Variants in XKR6 observed in about 807,000 individuals in gnomAD.
XKR6 encodes XK related 6.
A neutral mutation model predicts 56.7 loss-of-function variants in XKR6; 22 were observed. The ratio of observed to expected loss-of-function variants is 0.39; its 90% CI spans 0.28 to 0.55. XKR6 has a LOEUF of 0.55. Among genes scored for constraint, XKR6 ranks in the 20% least tolerant of loss-of-function variants. The pLI, the probability that XKR6 is intolerant of heterozygous loss-of-function variation, is 0.66. For missense variants in XKR6, 852 were observed against 889.0 expected, an observed-to-expected ratio of 0.96 and a Z score of 0.53; for synonymous variants, 524 against 387.8, an observed-to-expected ratio of 1.35 and a Z score of -4.13.
chr8:11,146,831 C>G (rs1018276370), intron 1 of XKR6, among the ~76,000 whole-genome samples: 2 of 151,962 alleles, frequency 1.3e-5, no homozygotes, highest in African/African-American at 2.4e-5. Context: ...ACTACATACA[C>G]AGACCTGGAG....
intron 1 of XKR6, among the ~76,000 whole-genome samples, chr8:11,002,911 A>C (rs2129143547): frequency 6.6e-6 from 1 of 152,316 alleles, no homozygotes; most frequent in South Asian, 2.1e-4. Context: ...CTGAATGAAA[A>C]TCATGATGTT....
intron 2 of XKR6, among the ~76,000 whole-genome samples, chr8:10,911,440 G>A (rs900062406): frequency 2.7e-5 from 4 of 146,708 alleles, no homozygotes; most frequent in Admixed American, 1.4e-4. Context: ...TATATAGAGG[G>A]TAAGTATACA....
intron 1 of XKR6, among the ~76,000 whole-genome samples, chr8:11,030,152 C>T (rs1026873674): frequency 2.0e-5 from 3 of 152,202 alleles, no homozygotes; most frequent in African/African-American, 7.2e-5. Context: ...TTGGCTCAGT[C>T]CACCCCCTCT....
At chr8:10,969,242 T>C (rs1802325170) in intron 1 of XKR6, among the ~76,000 whole-genome samples, 1 of 152,142 alleles carries the variant, frequency 6.6e-6, no homozygotes, top group South Asian at 2.1e-4. Context: ...CTTAGATGCA[T>C]GGTTCCTGAA....
At chr8:10,911,519 T>A (rs1586294611) in intron 2 of XKR6, among the ~76,000 whole-genome samples, 2 of 148,012 alleles carry the variant, frequency 1.4e-5, no homozygotes. Context: ...TATATATATA[T>A]GTAGAAAGAG....
At chr8:11,094,436 C>G (rs145490641) in intron 1 of XKR6, among the ~76,000 whole-genome samples, 4 of 152,204 alleles carry the variant, frequency 2.6e-5, no homozygotes, top group African/African-American at 9.6e-5. Context: ...GTGATCGTCC[C>G]CCTTCAACCT....
At chr8:11,020,554 C>T (rs1387094913) in intron 1 of XKR6, among the ~76,000 whole-genome samples, 2 of 152,146 alleles carry the variant, frequency 1.3e-5, no homozygotes, top group African/African-American at 2.4e-5. Flanking sequence ...ACACATGTAT[C>T]GGTGAGTTGG....
intron 1 of XKR6, among the ~76,000 whole-genome samples, chr8:11,187,651 A>C (rs1475801567): frequency 2.0e-5 from 3 of 152,160 alleles, no homozygotes; most frequent in African/African-American, 7.2e-5. Flanking sequence ...AAGAAAAATC[A>C]GTCATATCAA....
In XKR6 at chr8:11,182,400, G is replaced by T. The variant is rs148232536; in HGVS notation, c.764+18176C>A. On this transcript the variant is annotated intron_variant, in intron 1 of 2. Transcript: ENST00000416569. ...CATCACTGTGGCGCATTAACACCAG[G>T]ACTAACTTTGTACCTGGTCATGGTC... Among the ~76,000 whole-genome samples the T allele has an allele frequency of 7.2e-4, 109 of 152,314 alleles. 1 individual carries two copies. The Middle Eastern group carries it at 0.01, about 14-fold the overall frequency.
intron 1 of XKR6, among the ~76,000 whole-genome samples, chr8:10,942,943 C>G (rs1229383183): frequency 6.6e-6 from 1 of 152,204 alleles, no homozygotes; most frequent in East Asian, 1.9e-4. Flanking sequence ...TGACCACATC[C>G]CAGGGCTGCA....
chr8:10,969,380 G>C (rs930539756), intron 1 of XKR6, among the ~76,000 whole-genome samples: 1 of 152,212 alleles, frequency 6.6e-6, no homozygotes, highest in African/African-American at 2.4e-5. Context: ...ATGTCACCCA[G>C]TGGTATCCAA....
chr8:11,064,968 C>T (rs28670878), intron 1 of XKR6, among the ~76,000 whole-genome samples: 5,288 of 152,282 alleles, frequency 0.035, 294 homozygotes, highest in African/African-American at 0.11. Context: ...CTCTTTGTTA[C>T]TCTTGTAGAA....
intron 1 of XKR6, among the ~76,000 whole-genome samples, chr8:10,961,116 G>A (rs974395894): frequency 6.6e-6 from 1 of 152,198 alleles, no homozygotes; most frequent in African/African-American, 2.4e-5. Flanking sequence ...GAGGCAGAGA[G>A]AGGGTGGAGG....
chr8:10,914,428 G>A (rs1415482125), intron 2 of XKR6, among the ~76,000 whole-genome samples: 1 of 152,172 alleles, frequency 6.6e-6, no homozygotes, highest in Non-Finnish European at 1.5e-5. Context: ...ATCTTTTGGA[G>A]ATCATTTAGC....
At chr8:10,996,567 CA>C (rs781701039) in intron 1 of XKR6, among the ~76,000 whole-genome samples, 46 of 152,284 alleles carry the variant, frequency 3.0e-4, no homozygotes, top group Middle Eastern at 3.4e-3. Context: ...CATACACCCC[CA>C]GCTCCAATCT....
intron 2 of XKR6, among the ~76,000 whole-genome samples, chr8:10,915,476 G>A (rs927663799): frequency 6.6e-6 from 1 of 151,334 alleles, no homozygotes; most frequent in Non-Finnish European, 1.5e-5. Flanking sequence ...TCACTGTCAT[G>A]AAACCCATTG....
At chr8:11,121,476 C>T (rs1421422094) in intron 1 of XKR6, among the ~76,000 whole-genome samples, 1 of 152,116 alleles carries the variant, frequency 6.6e-6, no homozygotes, top group Admixed American at 6.5e-5. Flanking sequence ...AAATTAAAAC[C>T]ACAATGAGAT....
intron 1 of XKR6, among the ~76,000 whole-genome samples, chr8:11,199,781 T>C (rs1804099271): frequency 6.6e-6 from 1 of 152,190 alleles, no homozygotes; most frequent in African/African-American, 2.4e-5. Context: ...AAGCCAAGCT[T>C]GCGTCTTGTG....
At chr8:10,931,192 C>T (rs770086784) in intron 1 of XKR6, among the ~76,000 whole-genome samples, 18 of 152,108 alleles carry the variant, frequency 1.2e-4, no homozygotes, top group Non-Finnish European at 1.9e-4. Context: ...AAATTAGCTC[C>T]GAAAATGAAA....
Sources: allele counts gnomAD v4.1 joint callset (sites outside exome capture counted in the v4.1 genomes callset), GRCh38; gene constraint gnomAD v4.1.1; transcripts MANE v1.5; gene names NCBI Gene and HGNC (gene_info 2026-07-23, HGNC 2026-07-21).